SHTN1: variants seen among roughly 807,000 people sequenced by gnomAD.
SHTN1 encodes shootin-1.
In SHTN1, 42 loss-of-function variants were observed where a neutral mutation model predicts 83.1. That is an observed-to-expected ratio of 0.51 (90% confidence interval 0.39 to 0.65). The LOEUF is 0.65. Ranked by LOEUF, SHTN1 falls within the 30% of genes least tolerant of loss-of-function variation. SHTN1 has a pLI of 0.00. For synonymous variants in SHTN1, 224 were observed against 247.7 expected, an observed-to-expected ratio of 0.90 and a Z score of 0.90; for missense variants, 622 against 737.8, an observed-to-expected ratio of 0.84 and a Z score of 1.82.
At chr10:116,968,577 T>C (rs867581285) in intron 3 of SHTN1, 75 bp downstream of exon 3, 1 of 1,047,496 alleles carries the variant, frequency 9.5e-7, no homozygotes. Context: ...AGCAACTCAA[T>C]AGGGTATAAG....
intron 2 of SHTN1, among the ~76,000 whole-genome samples, chr10:117,041,785 G>C (rs1852587828): frequency 6.6e-6 from 1 of 152,218 alleles, no homozygotes; most frequent in Admixed American, 6.5e-5. Context: ...GTATTTTAAA[G>C]ATTATACAGA....
intron 15 of SHTN1, among the ~76,000 whole-genome samples, chr10:116,903,842 T>C (rs1847851341): frequency 6.6e-6 from 1 of 152,192 alleles, no homozygotes; most frequent in African/African-American, 2.4e-5. Flanking sequence ...TTTTCTTATA[T>C]ACAAAAAGAC....
intron 16 of SHTN1, among the ~76,000 whole-genome samples, chr10:116,889,176 A>T (rs1232053617): frequency 6.6e-6 from 1 of 152,234 alleles, no homozygotes; most frequent in Non-Finnish European, 1.5e-5. Context: ...CAGATCCTAG[A>T]AAAAGCTTTC....
rs780882487 is a variant in SHTN1, at chr10:116,954,052, C to G, written c.426G>C (p.Lys142Asn). The change falls in exon 5 of 17, where the codon AAG becomes AAC. Residue 142 changes from lysine to asparagine, a missense_variant. By Grantham distance (94) the Lys-to-Asn change is moderately conservative (BLOSUM62 0). Around this residue, in one of 3 missense-constraint regions of SHTN1, gnomAD observed 383 missense variants for 455.8 expected, o/e 0.84. Transcript: ENST00000355371. ...AGCAAAGAGTTCTACCTTTAATTTG[C>G]TTCTGACACTGTACTGAGACACAAG... The part of the protein sequence containing the change: ...AETCVSVQCQ[K>N]QIKELRDQIV... 3 of 1,605,972 alleles carry G rather than the reference C, an allele frequency of 1.9e-6. 1 individual carries two copies. The South Asian group carries it at 3.4e-5, about 18-fold the overall frequency.
intron 4 of SHTN1, among the ~76,000 whole-genome samples, chr10:116,955,438 G>A (rs1336745044): frequency 6.6e-6 from 1 of 152,110 alleles, no homozygotes; most frequent in Non-Finnish European, 1.5e-5. Context: ...CTTTACTAGA[G>A]CCCTTGACCA....
At chr10:117,078,052 G>A (rs537428806) in intron 1 of SHTN1, among the ~76,000 whole-genome samples, 1 of 152,300 alleles carries the variant, frequency 6.6e-6, no homozygotes, top group African/African-American at 2.4e-5. Context: ...CCAACTTACA[G>A]AATTCTAACT....
At chr10:116,980,016 C>A (rs1265461891) in intron 1 of SHTN1, among the ~76,000 whole-genome samples, 1 of 152,072 alleles carries the variant, frequency 6.6e-6, no homozygotes, top group Non-Finnish European at 1.5e-5. Flanking sequence ...AAAATATTAT[C>A]CACTAGGTAG....
intron 2 of SHTN1, among the ~76,000 whole-genome samples, chr10:117,034,802 C>T (rs1178835547): frequency 6.6e-6 from 1 of 151,764 alleles, no homozygotes; most frequent in Non-Finnish European, 1.5e-5. Context: ...TAATATAAAC[C>T]ATAAACACTG....
At chr10:117,037,037 G>C (rs1028477293) in intron 2 of SHTN1, among the ~76,000 whole-genome samples, 2 of 152,144 alleles carry the variant, frequency 1.3e-5, no homozygotes, top group Non-Finnish European at 2.9e-5. Flanking sequence ...AAATCTCCTA[G>C]AACTAATAAG....
chr10:116,911,472 C>T (rs752818207), intron 14 of SHTN1: 8 of 1,549,690 alleles, frequency 5.2e-6, no homozygotes, highest in African/African-American at 1.4e-5. Flanking sequence ...TTTTCATCAA[C>T]ATGTACGGAC....
intron 13 of SHTN1, among the ~76,000 whole-genome samples, chr10:116,914,735 A>T (rs1430748897): frequency 6.6e-6 from 1 of 152,226 alleles, no homozygotes; most frequent in Non-Finnish European, 1.5e-5. Context: ...TGTAGTGGAT[A>T]TACAAACAAA....
chr10:116,988,992 C>G (rs1199929802), intron 1 of SHTN1, among the ~76,000 whole-genome samples: 1 of 152,106 alleles, frequency 6.6e-6, no homozygotes. Flanking sequence ...GTTTAAAATA[C>G]ATATATTTTT....
intron 1 of SHTN1, among the ~76,000 whole-genome samples, chr10:117,090,641 A>C (rs1465998144): frequency 6.6e-6 from 1 of 152,194 alleles, no homozygotes; most frequent in South Asian, 2.1e-4. Context: ...GAAGGGAATA[A>C]GGGCTGTTTC....
chr10:117,062,712 T>G (rs1474494835), intron 1 of SHTN1, among the ~76,000 whole-genome samples: 1 of 152,196 alleles, frequency 6.6e-6, no homozygotes, highest in Admixed American at 6.5e-5. Flanking sequence ...TAGATTCTTT[T>G]GTATAACTCA....
At chr10:116,927,757 A>G (rs779151689) in intron 11 of SHTN1, 35 bp downstream of exon 11, 2 of 1,479,036 alleles carry the variant, frequency 1.4e-6, no homozygotes, top group Admixed American at 2.4e-5. Context: ...GGAGAAGAAC[A>G]TTTGATGCAG....
At chr10:116,900,449 C>A in intron 16 of SHTN1, 1 of 1,218,792 alleles carries the variant, frequency 8.2e-7, no homozygotes, top group Non-Finnish European at 1.2e-6. Context: ...TATTTCATTT[C>A]CTTTCTTGGA....
chr10:116,995,486 T>C (rs1334027046), intron 1 of SHTN1, among the ~76,000 whole-genome samples: 3 of 152,236 alleles, frequency 2.0e-5, no homozygotes, highest in Admixed American at 6.5e-5. Context: ...TCTTTTGCGC[T>C]ATCTATGGCT....
chr10:116,900,440 A>G, intron 16 of SHTN1: 1 of 1,159,918 alleles, frequency 8.6e-7, no homozygotes, highest in Non-Finnish European at 1.2e-6. Context: ...GCCTGCAATT[A>G]TTTCATTTCC....
rs999900672 is a variant in SHTN1, at chr10:116,907,678, G to A, written c.1360-931C>T. Among the ~76,000 whole-genome samples the A allele has an allele frequency of 9.9e-5, 15 of 152,254 alleles. No individual in the cohort carries two copies. In the East Asian group the frequency reaches 2.5e-3, roughly 25 times the overall value. On this transcript the variant is annotated intron_variant, in intron 14 of 16. Transcript: ENST00000355371. ...GAGATGCCCATTATTTCTTAGAAAC[G>A]GTCCTTCTCAACTGTGCCACATACT...
Sources: gnomAD v4.1 joint callset for allele counts (sites outside exome capture counted in the v4.1 genomes callset) on GRCh38, gnomAD v4.1.1 for gene constraint, gnomAD v4.1.1 regional missense constraint, MANE v1.5 for transcripts, NCBI Gene and HGNC (gene_info 2026-07-23, HGNC 2026-07-21) for gene names.